Variants in KIF1B observed in about 807,000 individuals in gnomAD.
The protein encoded by KIF1B is kinesin-like protein KIF1B.
In KIF1B, 76 loss-of-function variants were observed where a neutral mutation model predicts 241.9. The ratio of observed to expected loss-of-function variants is 0.31; its 90% CI spans 0.26 to 0.38. KIF1B has a LOEUF of 0.38. KIF1B is among the 10% of genes least tolerant of loss of function. KIF1B has a pLI of 1.00. For missense variants in KIF1B, 1,622 were observed against 2,271.4 expected (o/e 0.71, Z 5.81); for synonymous variants, 750 against 796.7 (o/e 0.94, Z 0.99).
chr1:10,381,364 A>C lies in KIF1B; in HGVS notation c.*4777A>C. On this transcript the variant is annotated 3_prime_UTR_variant, in exon 49 of 49. Coordinates refer to ENST00000676179, the MANE Select transcript of KIF1B (RefSeq NM_001365951.3). ...TGAAGGAGTTGAGCACATTAGCAAC[A>C]ATGTACATTAATTTTGGATTTTCAT... The C allele has an allele frequency of 4.5e-6, 1 of 223,044 alleles. No homozygotes were observed. The highest frequency in any genetic ancestry group is 9.0e-6 in the Non-Finnish European group (1 of 111,414). 13.8% of individuals were successfully genotyped at this position (223,044 alleles called of 1,614,324 possible).
At chr1:10,376,468 C>T in intron 48 of KIF1B, 77 bp from the exon 49 acceptor site, 1 of 1,436,260 alleles carries the variant, frequency 7.0e-7, no homozygotes, top group Non-Finnish European at 9.8e-7. Flanking sequence ...AGGAGGGAGC[C>T]TCAGAGGGAG....
chr1:10,379,344 G>T lies in KIF1B; in HGVS notation c.*2757G>T, dbSNP rs1046283449. 1 of 231,498 alleles carries T rather than the reference G, an allele frequency of 4.3e-6. No individual in the cohort carries two copies. The allele number at this position is 231,498 out of a possible 1,614,324, so 14.3% of individuals were successfully genotyped here. ...GTTCATAGCGTGCCTGAATAAGAAGGCCTCTTAGGGAGCCAGAGGGAGCAG... is the reference window on the plus strand; with the variant it reads ...GTTCATAGCGTGCCTGAATAAGAAGTCCTCTTAGGGAGCCAGAGGGAGCAG... On this transcript the variant is annotated 3_prime_UTR_variant, in exon 49 of 49. Coordinates refer to ENST00000676179, the MANE Select transcript of KIF1B (RefSeq NM_001365951.3).
intron 28 of KIF1B, among the ~76,000 whole-genome samples, chr1:10,336,010 G>A (rs1268743726): frequency 6.6e-6 from 1 of 152,176 alleles, no homozygotes; most frequent in Non-Finnish European, 1.5e-5. Context: ...ACAATCACCA[G>A]TGTTGAGTAT....
intron 27 of KIF1B, 103 bp from the exon 28 acceptor site, chr1:10,334,417 A>C: frequency 1.1e-6 from 1 of 928,426 alleles, no homozygotes; most frequent in Non-Finnish European, 1.8e-6. Context: ...AGACAAGGCC[A>C]GAAGTCAGCT....
Position 10,232,286 on chromosome 1 carries a change from T to C in KIF1B, c.-43T>C, listed in dbSNP as rs1316932494. On this transcript the variant is annotated 5_prime_UTR_variant, in exon 2 of 49. Transcript: ENST00000676179. ...GTAACTTCAAAAGAAGATTTGATTC[T>C]TTATTTCTGGACTGCATATATATAT... 2.1e-6 allele frequency: 3 copies of C among 1,429,862 alleles called. No individual in the cohort carries two copies. Among genetic ancestry groups the C allele is most frequent in the African/African-American group, 2.8e-5 (2 of 71,168 alleles). The allele number at this position is 1,429,862 out of a possible 1,614,324, so 88.6% of individuals were successfully genotyped here.
At chr1:10,272,981 C>T (rs908885282) in intron 9 of KIF1B, 33 bp from the exon 10 acceptor site, 3 of 1,532,388 alleles carry the variant, frequency 2.0e-6, no homozygotes, top group Middle Eastern at 1.7e-4. Context: ...ATCCTGTGTT[C>T]TTATTTTCTC....
At chr1:10,250,388 G>A (rs570479415) in intron 2 of KIF1B, among the ~76,000 whole-genome samples, 1 of 151,462 alleles carries the variant, frequency 6.6e-6, no homozygotes, top group South Asian at 2.1e-4. Flanking sequence ...GCCCAGGGTG[G>A]GGTGCAGTGG....
At chr1:10,236,978 C>T (rs1303805500) in intron 2 of KIF1B, among the ~76,000 whole-genome samples, 1 of 152,036 alleles carries the variant, frequency 6.6e-6, no homozygotes, top group Non-Finnish European at 1.5e-5. Context: ...GACTGTTGCT[C>T]ACAAGGATTA....
intron 2 of KIF1B, among the ~76,000 whole-genome samples, chr1:10,255,915 A>T (rs1053474253): frequency 1.3e-5 from 2 of 151,832 alleles, no homozygotes; most frequent in Non-Finnish European, 2.9e-5. Context: ...TCAGCTTCCT[A>T]AGTAGCTGGG....
At chr1:10,211,924 G>T (rs1039240924) in intron 1 of KIF1B, among the ~76,000 whole-genome samples, 5 of 152,172 alleles carry the variant, frequency 3.3e-5, no homozygotes, top group African/African-American at 1.2e-4. Context: ...GCATTGGATG[G>T]ATAGATTTTC....
At chr1:10,286,044 TG>T (rs1330766180) in intron 15 of KIF1B, among the ~76,000 whole-genome samples, 7 of 151,914 alleles carry the variant, frequency 4.6e-5, no homozygotes, top group South Asian at 2.1e-4. Context: ...ATTGTAAAGA[TG>T]TTTTTTTTTT....
intron 1 of KIF1B, chr1:10,211,668 C>T (rs1646695072): frequency 6.6e-6 from 1 of 151,986 alleles, no homozygotes; most frequent in Non-Finnish European, 1.5e-5. Flanking sequence ...AACATTCCCG[C>T]CCCTAACGCC....
At chr1:10,375,592 C>T (rs1262163085) in intron 48 of KIF1B, among the ~76,000 whole-genome samples, 1 of 151,970 alleles carries the variant, frequency 6.6e-6, no homozygotes, top group African/African-American at 2.4e-5. Context: ...ACCACAATGG[C>T]CAGGCTGGTC....
chr1:10,302,075 A>C (rs1006894627), intron 22 of KIF1B, among the ~76,000 whole-genome samples: 5 of 152,338 alleles, frequency 3.3e-5, no homozygotes, highest in African/African-American at 1.2e-4. Flanking sequence ...TTGTCACTTA[A>C]AGTGATATTC....
At chr1:10,249,819 C>T (rs1179851395) in intron 2 of KIF1B, among the ~76,000 whole-genome samples, 1 of 152,178 alleles carries the variant, frequency 6.6e-6, no homozygotes, top group East Asian at 1.9e-4. Context: ...GGGAGGATCA[C>T]TTGAGCCCAG....
At chr1:10,304,208 G>A (rs1021469354) in intron 22 of KIF1B, 3 of 1,614,010 alleles carry the variant, frequency 1.9e-6, no homozygotes, top group African/African-American at 1.3e-5. Context: ...CAAGAAAAAG[G>A]GGGTAAAGGA....
rs17034624 is a variant in KIF1B at position 10,266,551 on chromosome 1, C to A, written c.430-829C>A. 6.6e-3 allele frequency among the ~76,000 whole-genome samples: 999 copies of A among 152,338 alleles called. 11 individuals are homozygous for A. Among genetic ancestry groups the A allele is most frequent in the Middle Eastern group, 0.037 (11 of 294 alleles). On this transcript the variant is annotated intron_variant, in intron 5 of 48. Coordinates refer to ENST00000676179, the MANE Select transcript of KIF1B (RefSeq NM_001365951.3). ...CAACCCTCATCCCTTCTGGAGGATA[C>A]ATCGTCCATAGTTAGTAACAGTGTG...
In KIF1B at chr1:10,272,300, C is replaced by G; in HGVS notation, c.858C>G (p.Ala286=). The change falls in exon 9 of 49, where the codon GCC becomes GCG. Residue 286 remains alanine, a synonymous_variant. Coordinates refer to ENST00000676179, the MANE Select transcript of KIF1B (RefSeq NM_001365951.3). ...TGGGCAAAGTCATTTCAGCCTTGGCCGAGGTGGTAAGTTTTATACTTCATT... is the reference window on the plus strand; with the variant it reads ...TGGGCAAAGTCATTTCAGCCTTGGCGGAGGTGGTAAGTTTTATACTTCATT... ...TTLGKVISAL[A]EVDNCTSKSK... 6.2e-7 allele frequency: 1 copy of G among 1,601,406 alleles called. No individual in the cohort carries two copies. Among genetic ancestry groups the G allele is most frequent in the East Asian group, 2.2e-5 (1 of 44,786 alleles).
At chr1:10,343,159 C>A in intron 33 of KIF1B, 73 bp from the exon 34 acceptor site, 1 of 1,494,546 alleles carries the variant, frequency 6.7e-7, no homozygotes, top group Non-Finnish European at 9.2e-7. Context: ...AATTTGCAGT[C>A]CAGCACAAAG....
Sources: gnomAD v4.1 joint callset for allele counts (sites outside exome capture counted in the v4.1 genomes callset) on GRCh38, gnomAD v4.1.1 for gene constraint, MANE v1.5 for transcripts, NCBI Gene and HGNC (gene_info 2026-07-23, HGNC 2026-07-21) for gene names.